Variants in TRAF2 observed in about 807,000 individuals in gnomAD.
TRAF2 encodes the protein TNF receptor-associated factor 2.
TRAF2 carries 6 observed loss-of-function variants against 55.6 expected under a neutral mutation model. That is an observed-to-expected ratio of 0.11 (90% confidence interval 0.06 to 0.21). The LOEUF (loss-of-function observed/expected upper bound fraction) is 0.21, where lower values mean the gene tolerates loss of function less well. Among genes scored for constraint, TRAF2 ranks in the 10% least tolerant of loss-of-function variants. The pLI, the probability that TRAF2 is intolerant of heterozygous loss-of-function variation, is 1.00. For synonymous variants in TRAF2, 329 were observed against 276.3 expected (o/e 1.19, Z -1.89); for missense variants, 561 against 684.5 (o/e 0.82, Z 2.01).
At chr9:136,902,801 T>C (rs1342833309) in intron 4 of TRAF2, among the ~76,000 whole-genome samples, 1 of 152,138 alleles carries the variant, frequency 6.6e-6, no homozygotes, top group Non-Finnish European at 1.5e-5. Context: ...CTCCGGGTGC[T>C]CGGAGTGTGC....
chr9:136,910,161 T>G, intron 6 of TRAF2, 167 bp downstream of exon 6: 1 of 719,470 alleles, frequency 1.4e-6, no homozygotes, highest in Non-Finnish European at 2.4e-6. Context: ...TGGCGGCCGC[T>G]CTCCTGAGTG....
chr9:136,903,434 G>A (rs2131298917), intron 4 of TRAF2, among the ~76,000 whole-genome samples: 1 of 152,310 alleles, frequency 6.6e-6, no homozygotes, highest in South Asian at 2.1e-4. Context: ...GCCAGGAAAA[G>A]CCAAGTATGC....
At chr9:136,893,018 T>G (rs1027417465) in intron 1 of TRAF2, among the ~76,000 whole-genome samples, 11 of 152,084 alleles carry the variant, frequency 7.2e-5, no homozygotes, top group Admixed American at 2.0e-4. Flanking sequence ...GTGACGTACA[T>G]GTATGTAGCA....
intron 3 of TRAF2, 150 bp from the exon 4 acceptor site, chr9:136,900,272 A>G: frequency 3.8e-6 from 2 of 528,090 alleles, no homozygotes; most frequent in Non-Finnish European, 6.6e-6. Flanking sequence ...CAAAAATAAA[A>G]AGGAATCAGA....
At chr9:136,885,763 G>A (rs1484536576), upstream of TRAF2, among the ~76,000 whole-genome samples, 1 of 151,130 alleles carries the variant, frequency 6.6e-6, no homozygotes, top group Non-Finnish European at 1.5e-5. Flanking sequence ...GTGAGCCTCC[G>A]TCTCAAAAAA....
chr9:136,913,692 G>A (rs1050030951), intron 6 of TRAF2, among the ~76,000 whole-genome samples: 4 of 152,186 alleles, frequency 2.6e-5, no homozygotes, highest in Non-Finnish European at 5.9e-5. Flanking sequence ...CTTTTAAAAT[G>A]TGAGGGTTTT....
At chr9:136,888,713 C>T (rs942923514) in intron 1 of TRAF2, among the ~76,000 whole-genome samples, 2 of 152,154 alleles carry the variant, frequency 1.3e-5, no homozygotes, top group South Asian at 2.1e-4. Flanking sequence ...TGAGAGTCAC[C>T]GATGCCACCA....
chr9:136,898,951 G>A, intron 2 of TRAF2, 23 bp downstream of exon 2: 2 of 1,581,580 alleles, frequency 1.3e-6, no homozygotes, highest in Middle Eastern at 4.3e-4. Flanking sequence ...TGCAGGCTGG[G>A]AGGAGGGGCA....
chr9:136,915,113 A>T (rs1797438495), intron 6 of TRAF2, among the ~76,000 whole-genome samples: 1 of 152,170 alleles, frequency 6.6e-6, no homozygotes, highest in South Asian at 2.1e-4. Flanking sequence ...TGGGAGGCAG[A>T]GGTTGCGGTG....
rs940486968 is a variant in TRAF2, at chr9:136,899,584, T to TCC, written c.189-7_189-6dup. ...ACAGTGGGTTGTTTTTTGCCTTTTTTCCCCACTAGCTCTGGGCCTCAGAAC... is the reference window on the plus strand; with the variant it reads ...ACAGTGGGTTGTTTTTTGCCTTTTTTCCCCCCACTAGCTCTGGGCCTCAGAAC... On this transcript the variant is annotated splice_polypyrimidine_tract_variant and intron_variant, in intron 2 of 10. Transcript: ENST00000247668. 1 of 1,601,754 alleles carries TCC rather than the reference T, an allele frequency of 6.2e-7. No homozygotes were observed. The highest frequency in any genetic ancestry group is 1.3e-5 in the African/African-American group (1 of 74,578).
At chr9:136,895,858 A>C (rs1187289634) in intron 1 of TRAF2, among the ~76,000 whole-genome samples, 1 of 144,860 alleles carries the variant, frequency 6.9e-6, no homozygotes, top group Non-Finnish European at 1.6e-5. Flanking sequence ...AGGAAAAAAA[A>C]AAAAAAAAAA....
Position 136,908,067 on chromosome 9 carries a change from T to TA in TRAF2, c.367-2dup. 6.3e-7 allele frequency: 1 copy of TA among 1,599,458 alleles called. No individual in the cohort carries two copies. The highest frequency in any genetic ancestry group is 8.5e-7 in the Non-Finnish European group (1 of 1,177,460). On this transcript the variant is annotated splice_region_variant and splice_polypyrimidine_tract_variant and intron_variant, in intron 4 of 10. Coordinates refer to ENST00000247668, the MANE Select transcript of TRAF2 (RefSeq NM_021138.4). ...TACTGACGCTTCCTCCTTTCGTTGC[T>TA]AGAGCTGCCACGAAGGCCGCTGCCC...
At chr9:136,899,559 A>G in intron 2 of TRAF2, 35 bp from the exon 3 acceptor site, 2 of 1,592,088 alleles carry the variant, frequency 1.3e-6, no homozygotes, top group East Asian at 2.3e-5. Context: ...ATTAGGTTTC[A>G]CAGTGGGTTG....
chr9:136,921,291 A>G, intron 9 of TRAF2, 76 bp downstream of exon 9: 2 of 1,571,000 alleles, frequency 1.3e-6, no homozygotes, highest in Non-Finnish European at 1.7e-6. Flanking sequence ...CTGTGACCAC[A>G]TAGGATGGCT....
At chr9:136,893,399 G>C (rs1849619206) in intron 1 of TRAF2, among the ~76,000 whole-genome samples, 1 of 152,254 alleles carries the variant, frequency 6.6e-6, no homozygotes, top group Non-Finnish European at 1.5e-5. Context: ...GGGGCAGACA[G>C]GTGACTGACA....
intron 7 of TRAF2, among the ~76,000 whole-genome samples, chr9:136,916,864 T>C (rs1464647362): frequency 3.9e-5 from 6 of 152,172 alleles, no homozygotes; most frequent in Non-Finnish European, 7.4e-5. Flanking sequence ...GCCCAGTGTG[T>C]GTGCCCACCT....
intron 1 of TRAF2, among the ~76,000 whole-genome samples, chr9:136,893,176 C>T (rs769888654): frequency 2.6e-5 from 4 of 152,162 alleles, no homozygotes; most frequent in African/African-American, 7.2e-5. Context: ...CACCCACCTT[C>T]GAGAAAGTGG....
chr9:136,922,872 G>A (rs1850427299), intron 9 of TRAF2, among the ~76,000 whole-genome samples: 1 of 144,374 alleles, frequency 6.9e-6, no homozygotes. Flanking sequence ...ATGGGCCTGG[G>A]GGCACGAGGT....
intron 1 of TRAF2, among the ~76,000 whole-genome samples, chr9:136,896,953 G>A (rs532413177): frequency 3.9e-5 from 6 of 152,286 alleles, no homozygotes; most frequent in Non-Finnish European, 7.4e-5. Flanking sequence ...CCTGCCGGGT[G>A]ACTGCTCGCT....
Sources: gnomAD v4.1 joint callset for allele counts (sites outside exome capture counted in the v4.1 genomes callset) on GRCh38, gnomAD v4.1.1 for gene constraint, MANE v1.5 for transcripts, NCBI Gene and HGNC (gene_info 2026-07-23, HGNC 2026-07-21) for gene names.